The following SGCZ variants were observed in gnomAD, a reference collection of about 807,000 sequenced individuals.
The protein encoded by SGCZ is zeta-sarcoglycan.
Under a neutral mutation model 41.3 loss-of-function variants are expected in SGCZ, and 40 were observed. That is an observed-to-expected ratio of 0.97 (90% CI 0.75 to 1.26). The LOEUF (loss-of-function observed/expected upper bound fraction) is 1.26. Ranked by LOEUF, SGCZ falls within the 50% of genes most tolerant of loss-of-function variation. SGCZ has a pLI of 0.00. For missense variants in SGCZ, 552 were observed against 369.8 expected (o/e 1.49, Z -4.04); for synonymous variants, 206 against 137.5 (o/e 1.50, Z -3.49).
chr8:14,792,189 AT>A (rs1476120501), intron 1 of SGCZ, among the ~76,000 whole-genome samples: 4 of 152,226 alleles, frequency 2.6e-5, no homozygotes, highest in Non-Finnish European at 4.4e-5. Flanking sequence ...TACATTACCC[AT>A]GAAGTGTCAC....
At chr8:14,406,734 A>G (rs1799220727) in intron 2 of SGCZ, among the ~76,000 whole-genome samples, 1 of 152,174 alleles carries the variant, frequency 6.6e-6, no homozygotes, top group African/African-American at 2.4e-5. Flanking sequence ...CAACATGACA[A>G]ACAGGAAGTT....
intron 6 of SGCZ, among the ~76,000 whole-genome samples, chr8:14,105,333 A>T (rs564167880): frequency 6.6e-6 from 1 of 152,252 alleles, no homozygotes; most frequent in East Asian, 1.9e-4. Flanking sequence ...TCTATTAATA[A>T]ACTTTTGAAA....
chr8:14,473,814 C>T (rs549062781), intron 2 of SGCZ, among the ~76,000 whole-genome samples: 20 of 151,236 alleles, frequency 1.3e-4, no homozygotes, highest in South Asian at 6.3e-4. Context: ...GGCGGGCACG[C>T]GTAGTCCCAG....
At chr8:14,284,347 A>G (rs936840753) in intron 3 of SGCZ, among the ~76,000 whole-genome samples, 5 of 152,226 alleles carry the variant, frequency 3.3e-5, no homozygotes, top group Non-Finnish European at 4.4e-5. Flanking sequence ...AGCTGTGGCC[A>G]TGCCACTGAA....
chr8:14,806,927 A>T (rs1231305410), intron 1 of SGCZ, among the ~76,000 whole-genome samples: 1 of 151,282 alleles, frequency 6.6e-6, no homozygotes, highest in East Asian at 1.9e-4. Flanking sequence ...CTGGTTCAAT[A>T]TATGCAAATC....
At chr8:14,479,315 G>A (rs957016583) in intron 2 of SGCZ, among the ~76,000 whole-genome samples, 1 of 152,042 alleles carries the variant, frequency 6.6e-6, no homozygotes, top group Non-Finnish European at 1.5e-5. Context: ...CATTCAGCAC[G>A]GGAGAAAAAT....
At chr8:14,718,460 G>T (rs1371017658) in intron 1 of SGCZ, among the ~76,000 whole-genome samples, 1 of 151,872 alleles carries the variant, frequency 6.6e-6, no homozygotes, top group Non-Finnish European at 1.5e-5. Flanking sequence ...AAGAATAAAG[G>T]AATATCAACT....
At chr8:14,528,262 T>C (rs1355242121) in intron 2 of SGCZ, among the ~76,000 whole-genome samples, 3 of 152,140 alleles carry the variant, frequency 2.0e-5, no homozygotes, top group Non-Finnish European at 4.4e-5. Context: ...GTATCAATTT[T>C]TGACAATGAC....
At chr8:14,128,597 C>T (rs1335705879) in intron 5 of SGCZ, among the ~76,000 whole-genome samples, 1 of 152,098 alleles carries the variant, frequency 6.6e-6, no homozygotes, top group Non-Finnish European at 1.5e-5. Context: ...ATACTTGTAA[C>T]TACATGTTTA....
At chr8:14,758,931 C>T (rs6996993) in intron 1 of SGCZ, among the ~76,000 whole-genome samples, 1 of 150,930 alleles carries the variant, frequency 6.6e-6, no homozygotes, top group African/African-American at 2.4e-5. Flanking sequence ...TCAGTTGAAC[C>T]CAGGAGGCAG....
At chr8:14,404,420 T>C (rs997877196) in intron 2 of SGCZ, among the ~76,000 whole-genome samples, 2 of 152,158 alleles carry the variant, frequency 1.3e-5, no homozygotes, top group African/African-American at 4.8e-5. Flanking sequence ...TTTTTGAGCA[T>C]TCAAAGAGGC....
intron 3 of SGCZ, among the ~76,000 whole-genome samples, chr8:14,269,625 T>A (rs1013572875): frequency 2.6e-5 from 4 of 152,144 alleles, no homozygotes; most frequent in Admixed American, 6.5e-5. Context: ...GTCATTGATC[T>A]CCATGTCAGA....
At chr8:14,793,144 C>T (rs908886710) in intron 1 of SGCZ, among the ~76,000 whole-genome samples, 6 of 152,196 alleles carry the variant, frequency 3.9e-5, no homozygotes, top group African/African-American at 1.4e-4. Flanking sequence ...TCTAGTCTCT[C>T]TTTCCTTCCC....
chr8:14,651,317 C>T lies in SGCZ; in HGVS notation c.40-96391G>A, dbSNP rs541826793. Among the ~76,000 whole-genome samples the T allele has an allele frequency of 2.0e-5, 3 of 152,100 alleles. No individual in the cohort carries two copies. In the South Asian group the frequency reaches 6.2e-4, roughly 31 times the overall value. ...TGAAAATATTTTTAACATATTATTT[C>T]CTTATTATTTAGAAGCATTTCAAAT... On this transcript the variant is annotated intron_variant, in intron 1 of 7. Transcript: ENST00000382080.
chr8:15,001,732 A>AAAAAAAAAAAAAAAAAAAAAAG (rs1802429259), intron 1 of SGCZ, among the ~76,000 whole-genome samples: 1 of 100,814 alleles, frequency 9.9e-6, no homozygotes, highest in Non-Finnish European at 2.1e-5. Context: ...CCGTCTCAAA[A>AAAAAAAAAAAAAAAAAAAAAAG]AAAAAAAAAA....
chr8:14,539,155 C>A (rs1283438382), intron 2 of SGCZ, among the ~76,000 whole-genome samples: 1 of 151,986 alleles, frequency 6.6e-6, no homozygotes, highest in Non-Finnish European at 1.5e-5. Context: ...TAGAATTCGG[C>A]CAGCAGATTA....
intron 1 of SGCZ, among the ~76,000 whole-genome samples, chr8:14,718,649 T>C (rs1197620480): frequency 8.6e-5 from 2 of 23,122 alleles, no homozygotes; most frequent in East Asian, 2.7e-3. Context: ...TTCACAGGAG[T>C]ATGCTATAAT....
At chr8:15,134,372 T>C (rs572164842) in intron 1 of SGCZ, among the ~76,000 whole-genome samples, 1 of 151,848 alleles carries the variant, frequency 6.6e-6, no homozygotes, top group South Asian at 2.1e-4. Flanking sequence ...CTAAATTACA[T>C]GGTCAAAAAA....
chr8:14,935,506 A>G (rs1040749134), intron 1 of SGCZ, among the ~76,000 whole-genome samples: 1 of 151,918 alleles, frequency 6.6e-6, no homozygotes, highest in Non-Finnish European at 1.5e-5. Context: ...CAGTTATGGT[A>G]TTGGATAACA....
Sources: gnomAD v4.1 joint callset for allele counts (sites outside exome capture counted in the v4.1 genomes callset) on GRCh38, gnomAD v4.1.1 for gene constraint, MANE v1.5 for transcripts, NCBI Gene and HGNC (gene_info 2026-07-23, HGNC 2026-07-21) for gene names.